Variants in SGCZ observed in about 807,000 individuals in gnomAD.
SGCZ encodes sarcoglycan zeta.
In SGCZ, 40 loss-of-function variants were observed where a neutral mutation model predicts 41.3. The ratio of observed to expected loss-of-function variants is 0.97; its 90% CI spans 0.75 to 1.26. The LOEUF (loss-of-function observed/expected upper bound fraction) is 1.26. Ranked by LOEUF, SGCZ falls within the 50% of genes most tolerant of loss-of-function variation. The pLI is 0.00. For missense variants in SGCZ, 552 were observed against 369.8 expected, an observed-to-expected ratio of 1.49 and a Z score of -4.04; for synonymous variants, 206 against 137.5, an observed-to-expected ratio of 1.50 and a Z score of -3.49.
rs936584440 is a variant in SGCZ, at chr8:14,742,091, C to A, written c.40-187165G>T. Among the ~76,000 whole-genome samples, 9 of 151,848 alleles carry A rather than the reference C, an allele frequency of 5.9e-5. No homozygotes were observed. The South Asian group carries it at 1.0e-3, about 17-fold the overall frequency. Reference sequence around the variant, plus strand: ...AGTACTGATTTAGAGGGAAAAAAAACCTAGATTTCACCCTATAAATATTCA... The same window carrying A: ...AGTACTGATTTAGAGGGAAAAAAAAACTAGATTTCACCCTATAAATATTCA... On this transcript the variant is annotated intron_variant, in intron 1 of 7. Transcript: ENST00000382080.
At chr8:14,241,305 C>A (rs1388317424) in intron 3 of SGCZ, among the ~76,000 whole-genome samples, 2 of 151,444 alleles carry the variant, frequency 1.3e-5, no homozygotes, top group Non-Finnish European at 2.9e-5. Context: ...GGAGAGAAAT[C>A]TATTTTGTTG....
intron 2 of SGCZ, among the ~76,000 whole-genome samples, chr8:14,533,752 A>G (rs1295793727): frequency 6.6e-6 from 1 of 152,072 alleles, no homozygotes; most frequent in Non-Finnish European, 1.5e-5. Flanking sequence ...AAACACCATT[A>G]ACCAAAATAT....
chr8:14,997,353 A>G (rs1033892109), intron 1 of SGCZ, among the ~76,000 whole-genome samples: 11 of 152,200 alleles, frequency 7.2e-5, no homozygotes, highest in Admixed American at 5.9e-4. Context: ...TTATTCTTTT[A>G]TAACAAAGCA....
chr8:15,030,783 C>T (rs746836), intron 1 of SGCZ, among the ~76,000 whole-genome samples: 44,105 of 151,766 alleles, frequency 0.29, 6,478 homozygotes, highest in South Asian at 0.43. Context: ...CAAAACCAGA[C>T]GAAGGGATAC....
intron 1 of SGCZ, among the ~76,000 whole-genome samples, chr8:14,635,064 A>T (rs1877020): frequency 0.37 from 55,986 of 151,146 alleles, 10,553 homozygotes; most frequent in East Asian, 0.62. Context: ...ATAGTATTAT[A>T]ATTTAAAAAC....
chr8:14,230,780 C>A (rs893086165), intron 4 of SGCZ, among the ~76,000 whole-genome samples: 1 of 147,480 alleles, frequency 6.8e-6, no homozygotes, highest in Non-Finnish European at 1.5e-5. Context: ...GGGGTGGTTA[C>A]TCAAACATCT....
intron 4 of SGCZ, among the ~76,000 whole-genome samples, chr8:14,188,838 G>GTTTTTTGAGA (rs1404386476): frequency 4.4e-5 from 1 of 22,894 alleles, no homozygotes; most frequent in African/African-American, 1.5e-4. Flanking sequence ...TTTTTTGTTT[G>GTTTTTTGAGA]TTTGTTTTTT....
At chr8:14,475,518 G>A (rs1489548892) in intron 2 of SGCZ, among the ~76,000 whole-genome samples, 2 of 152,180 alleles carry the variant, frequency 1.3e-5, no homozygotes, top group Admixed American at 1.3e-4. Context: ...GACTCAAAAT[G>A]TACTAAGATT....
intron 1 of SGCZ, among the ~76,000 whole-genome samples, chr8:15,210,751 T>C (rs10098315): frequency 0.78 from 119,020 of 152,034 alleles, 47,063 homozygotes; most frequent in South Asian, 0.83. Flanking sequence ...CGCCCATGCT[T>C]AGCTGCACCT....
chr8:15,175,135 A>G (rs1799958520), intron 1 of SGCZ, among the ~76,000 whole-genome samples: 1 of 152,122 alleles, frequency 6.6e-6, no homozygotes, highest in African/African-American at 2.4e-5. Flanking sequence ...AATAAATTTA[A>G]AAAGGAAGAA....
At chr8:14,717,546 G>C (rs1318502323) in intron 1 of SGCZ, among the ~76,000 whole-genome samples, 1 of 152,142 alleles carries the variant, frequency 6.6e-6, no homozygotes, top group Admixed American at 6.6e-5. Flanking sequence ...ATTCTCTCTA[G>C]TGATGAGAAA....
chr8:15,093,499 G>T (rs1001082776), intron 1 of SGCZ, among the ~76,000 whole-genome samples: 4 of 152,050 alleles, frequency 2.6e-5, no homozygotes, highest in African/African-American at 9.7e-5. Flanking sequence ...GCTTAGAAAA[G>T]GGTCTCATTG....
chr8:15,041,140 T>A (rs775637447), intron 1 of SGCZ, among the ~76,000 whole-genome samples: 33 of 151,860 alleles, frequency 2.2e-4, no homozygotes, highest in Non-Finnish European at 4.4e-4. Context: ...ACCTTATAAA[T>A]AATAGTCATT....
intron 3 of SGCZ, among the ~76,000 whole-genome samples, chr8:14,243,947 C>A (rs1163209665): frequency 1.3e-5 from 2 of 152,106 alleles, no homozygotes; most frequent in Admixed American, 6.5e-5. Flanking sequence ...AGTATGCTGT[C>A]AATTAGTTTT....
Position 14,102,467 on chromosome 8 carries a change from T to C in SGCZ, c.653A>G (p.Glu218Gly). ...LESPTRSLIMEAPRGVQVSAA... is the reference protein window; with the variant it reads ...LESPTRSLIMGAPRGVQVSAA... ...ACTCACCTGGACCCCACGGGGAGCT[T>C]CCATGATCAAGGATCTGGTGGGTGA... The change falls in exon 7 of 8, where the codon GAA (glutamate) becomes GGA (glycine). Residue 218 changes from glutamate to glycine, a missense_variant. Coordinates refer to ENST00000382080, the MANE Select transcript of SGCZ (RefSeq NM_139167.4). The C allele has an allele frequency of 6.7e-7, 1 of 1,493,640 alleles. No homozygotes were observed. The highest frequency in any genetic ancestry group is 2.4e-5 in the East Asian group (1 of 40,836). 92.5% of individuals were successfully genotyped at this position (1,493,640 alleles called of 1,614,324 possible). A position where few individuals can be genotyped will look rare whatever the true frequency, so the allele number is the denominator to read the frequency against.
At chr8:14,102,596 G>A (rs1802068187) in intron 6 of SGCZ, 97 bp from the exon 7 acceptor site, 2 of 1,109,362 alleles carry the variant, frequency 1.8e-6, no homozygotes, top group South Asian at 8.5e-5. Context: ...AGACAACATT[G>A]GTCAAAACAA....
intron 1 of SGCZ, among the ~76,000 whole-genome samples, chr8:14,714,520 G>C (rs1809625909): frequency 6.6e-6 from 1 of 151,950 alleles, no homozygotes; most frequent in Admixed American, 6.6e-5. Flanking sequence ...CTTCTATCTA[G>C]AACACATTTT....
chr8:14,611,636 T>C (rs1805933624), intron 1 of SGCZ, among the ~76,000 whole-genome samples: 1 of 152,188 alleles, frequency 6.6e-6, no homozygotes, highest in African/African-American at 2.4e-5. Flanking sequence ...CATTATTTTC[T>C]TGACAGAAGC....
chr8:14,417,477 A>G (rs1028994709), intron 2 of SGCZ, among the ~76,000 whole-genome samples: 1 of 151,780 alleles, frequency 6.6e-6, no homozygotes, highest in African/African-American at 2.4e-5. Flanking sequence ...TTTGTTCATC[A>G]GTTGATTACT....
Sources: allele counts gnomAD v4.1 joint callset (sites outside exome capture counted in the v4.1 genomes callset), GRCh38; gene constraint gnomAD v4.1.1; transcripts MANE v1.5; gene names NCBI Gene and HGNC (gene_info 2026-07-23, HGNC 2026-07-21).